HACD1: variants seen among roughly 807,000 people sequenced by gnomAD.
HACD1 encodes very-long-chain (3R)-3-hydroxyacyl-CoA dehydratase 1.
Under a neutral mutation model 32.0 loss-of-function variants are expected in HACD1, and 41 were observed. The observed-to-expected ratio is 1.28, with a 90% CI of 1.00 to 1.66. HACD1 has a LOEUF of 1.66. Ranked by LOEUF, HACD1 falls within the 40% of genes most tolerant of loss-of-function variation. The probability of loss-of-function intolerance (pLI) is 0.00; values close to 1 mark genes in which losing one functional copy is unlikely to be tolerated. For synonymous variants in HACD1, 142 were observed against 139.0 expected, an observed-to-expected ratio of 1.02 and a Z score of -0.15; for missense variants, 396 against 380.1, an observed-to-expected ratio of 1.04 and a Z score of -0.35.
chr10:17,617,346 C>T lies in HACD1; in HGVS notation c.-7G>A, dbSNP rs1235004667. 4 of 1,370,742 alleles carry T rather than the reference C, an allele frequency of 2.9e-6. No homozygotes were observed. The highest frequency in any genetic ancestry group is 1.7e-5 in the South Asian group (1 of 59,094). 84.9% of individuals were successfully genotyped at this position (1,370,742 alleles called of 1,614,324 possible). Reference sequence around the variant, plus strand: ...CTTCCGTCAGGCGCCCCATGTGCAGCGCGCAGGGGGCTCGGCGCAGCCAGC... The same window carrying T: ...CTTCCGTCAGGCGCCCCATGTGCAGTGCGCAGGGGGCTCGGCGCAGCCAGC... On this transcript the variant is annotated 5_prime_UTR_variant, in exon 1 of 7. Transcript: ENST00000361271.
At chr10:17,609,469 T>G (rs1834199534) in intron 1 of HACD1, among the ~76,000 whole-genome samples, 1 of 151,948 alleles carries the variant, frequency 6.6e-6, no homozygotes, top group African/African-American at 2.4e-5. Context: ...GGGCAAAAGA[T>G]TTGAACAGAT....
intron 1 of HACD1, among the ~76,000 whole-genome samples, chr10:17,610,520 G>A (rs577984125): frequency 2.6e-4 from 40 of 151,978 alleles, no homozygotes; most frequent in Admixed American, 1.2e-3. Flanking sequence ...GTGGTGGCAC[G>A]TGACTGTAGT....
chr10:17,604,878 G>A (rs1834123931), intron 1 of HACD1, among the ~76,000 whole-genome samples: 1 of 152,158 alleles, frequency 6.6e-6, no homozygotes, highest in African/African-American at 2.4e-5. Context: ...GCTAATTTTT[G>A]TATTTTTTGT....
chr10:17,615,632 G>C (rs1469969343), intron 1 of HACD1: 1 of 173,082 alleles, frequency 5.8e-6, no homozygotes, highest in Non-Finnish European at 1.3e-5. Context: ...GACCAGCCTA[G>C]CCAACACAGT....
chr10:17,612,828 A>G (rs1554817639), intron 1 of HACD1, among the ~76,000 whole-genome samples: 1 of 151,542 alleles, frequency 6.6e-6, no homozygotes, highest in East Asian at 2.0e-4. Flanking sequence ...AGACTGAGGC[A>G]GGAGAATGGC....
intron 5 of HACD1, among the ~76,000 whole-genome samples, chr10:17,595,071 C>A (rs1320088088): frequency 6.6e-6 from 1 of 151,814 alleles, no homozygotes; most frequent in African/African-American, 2.4e-5. Flanking sequence ...GTTGGTCAGG[C>A]TGGTCTTGAA....
At chr10:17,609,506 T>A (rs78704091) in intron 1 of HACD1, among the ~76,000 whole-genome samples, 14,347 of 152,026 alleles carry the variant, frequency 0.094, 848 homozygotes, top group East Asian at 0.17. Context: ...GATTGGCAAG[T>A]GAAGCACATG....
In HACD1 at chr10:17,590,416, C is replaced by A. The variant is rs1027232748; in HGVS notation, c.815G>T (p.Arg272Leu). Residue 272 changes from arginine to leucine, a missense_variant, in exon 7 of 7, where the codon CGT becomes CTT. Physicochemically the swap from Arg to Leu is moderately radical, Grantham distance 102. Coordinates refer to ENST00000361271, the MANE Select transcript of HACD1 (RefSeq NM_014241.4). ...LFPQLYFHML[R>L]QRRKVLHGEV... ...TCCATGAAGCACCTTTCTTCTTTGACGTAACATATGAAAATAGAGTTGTGG... is the reference window on the plus strand; with the variant it reads ...TCCATGAAGCACCTTTCTTCTTTGAAGTAACATATGAAAATAGAGTTGTGG... 2 of 1,597,388 alleles carry A rather than the reference C, an allele frequency of 1.3e-6. No homozygotes were observed. The highest frequency in any genetic ancestry group is 2.3e-5 in the East Asian group (1 of 44,210).
At chr10:17,606,013 C>CA (rs575897700) in intron 1 of HACD1, among the ~76,000 whole-genome samples, 2,246 of 138,976 alleles carry the variant, frequency 0.016, 35 homozygotes, top group East Asian at 0.059. Flanking sequence ...CCCGTCTCTA[C>CA]AAAAAAAAAA....
chr10:17,590,953 G>A (rs1833921028), intron 6 of HACD1, among the ~76,000 whole-genome samples: 1 of 152,160 alleles, frequency 6.6e-6, no homozygotes, highest in Non-Finnish European at 1.5e-5. Flanking sequence ...GGGATTACAG[G>A]CATGAACCAC....
intron 1 of HACD1, among the ~76,000 whole-genome samples, chr10:17,607,233 G>A (rs548313520): frequency 3.9e-5 from 6 of 152,180 alleles, no homozygotes; most frequent in Non-Finnish European, 8.8e-5. Flanking sequence ...GTTCATGACT[G>A]AGTCTGTAAT....
intron 1 of HACD1, among the ~76,000 whole-genome samples, chr10:17,612,183 A>G (rs1832994857): frequency 6.6e-6 from 1 of 151,618 alleles, no homozygotes; most frequent in African/African-American, 2.4e-5. Context: ...CCAGGAATTT[A>G]TTACACTAAG....
At chr10:17,594,869 T>G (rs12245842) in intron 5 of HACD1, among the ~76,000 whole-genome samples, 1 of 150,784 alleles carries the variant, frequency 6.6e-6, no homozygotes, top group East Asian at 1.9e-4. Context: ...TGTTTTTTGT[T>G]TTTTTTTGAG....
At position 17,594,382 on chromosome 10, in the gene HACD1, AT is replaced by A. The variant is rs1554815840; in HGVS notation, c.606del (p.Arg202SerfsTer27). On this transcript the variant is annotated frameshift_variant and splice_region_variant, in exon 6 of 7. Coordinates refer to ENST00000361271, the MANE Select transcript of HACD1 (RefSeq NM_014241.4). LOFTEE classifies it high-confidence loss of function. ...DHLPYFIKWARYNFFIILYPV... is the reference protein window; with the variant it reads ...DHLPYFIKWAXYNFFIILYPV... Reference sequence around the variant, plus strand: ...GGATATAAGATGATAAAAAAATTATATCTGGAGAAAGAAAAACCTCAGAGAA... The same window carrying A: ...GGATATAAGATGATAAAAAAATTATACTGGAGAAAGAAAAACCTCAGAGAA... 1 of 1,460,594 alleles carries A rather than the reference AT, an allele frequency of 6.8e-7. No homozygotes were observed. The highest frequency in any genetic ancestry group is 9.1e-7 in the Non-Finnish European group (1 of 1,098,822). The allele number at this position is 1,460,594 out of a possible 1,614,324, so 90.5% of individuals were successfully genotyped here.
chr10:17,614,815 C>T (rs1377602719), intron 1 of HACD1, among the ~76,000 whole-genome samples: 2 of 152,126 alleles, frequency 1.3e-5, no homozygotes, highest in Non-Finnish European at 2.9e-5. Context: ...TGCAGTGGCG[C>T]GATCTCGGCT....
chr10:17,608,319 C>T (rs536557798), intron 1 of HACD1, among the ~76,000 whole-genome samples: 3 of 152,190 alleles, frequency 2.0e-5, no homozygotes, highest in South Asian at 2.1e-4. Context: ...TGAGCCACTG[C>T]GCCTGGCCAG....
chr10:17,593,260 G>T (rs74960371), intron 6 of HACD1, among the ~76,000 whole-genome samples: 1 of 151,904 alleles, frequency 6.6e-6, no homozygotes, highest in East Asian at 1.9e-4. Flanking sequence ...GTATCATGTC[G>T]ATGTAGATTT....
chr10:17,594,200 C>T lies in HACD1; in HGVS notation c.784+5G>A. On this transcript the variant is annotated splice_donor_5th_base_variant and intron_variant, in intron 6 of 6. Coordinates refer to ENST00000361271, the MANE Select transcript of HACD1 (RefSeq NM_014241.4). ...AAATCAAAGTACTAATAAGTATATACTTACAAGGTATATATGATGCCATGG... is the reference window on the plus strand; with the variant it reads ...AAATCAAAGTACTAATAAGTATATATTTACAAGGTATATATGATGCCATGG... 1.3e-6 allele frequency: 2 copies of T among 1,482,830 alleles called. No individual in the cohort carries two copies. Among genetic ancestry groups the T allele is most frequent in the Non-Finnish European group, 1.8e-6 (2 of 1,108,290 alleles). The allele number at this position is 1,482,830 out of a possible 1,614,324, so 91.9% of individuals were successfully genotyped here.
At chr10:17,613,096 G>GT (rs1833014662) in intron 1 of HACD1, among the ~76,000 whole-genome samples, 2 of 104,484 alleles carry the variant, frequency 1.9e-5, no homozygotes, top group Non-Finnish European at 3.6e-5. Context: ...TTGCAATTTG[G>GT]GGTGTGTGTG....
Sources: allele counts gnomAD v4.1 joint callset (sites outside exome capture counted in the v4.1 genomes callset), GRCh38; gene constraint gnomAD v4.1.1; transcripts MANE v1.5; gene names NCBI Gene and HGNC (gene_info 2026-07-23, HGNC 2026-07-21).